The following COL4A4 variants were observed in gnomAD, a reference collection of about 807,000 sequenced individuals.
The protein encoded by COL4A4 is collagen type IV alpha 4 chain.
In COL4A4, 105 loss-of-function variants were observed where a neutral mutation model predicts 192.9. The ratio of observed to expected loss-of-function variants is 0.54; its 90% CI spans 0.46 to 0.64. COL4A4 has a LOEUF of 0.64. COL4A4 is among the 30% of genes least tolerant of loss of function. The pLI is 0.00. For missense variants in COL4A4, 1,967 were observed against 2,169.3 expected, an observed-to-expected ratio of 0.91 and a Z score of 1.85; for synonymous variants, 762 against 769.9, an observed-to-expected ratio of 0.99 and a Z score of 0.17.
At chr2:226,984,481 A>T in the COL4A4 span, among the ~76,000 whole-genome samples, 2 of 152,156 alleles carry the variant, frequency 1.3e-5, no homozygotes, top group Non-Finnish European at 2.9e-5. Context: ...TCATGTCCTC[A>T]TGTAAACCTA....
Position 227,007,176 on chromosome 2 carries a change from A to G in COL4A4, c.*149T>C, listed in dbSNP as rs1962319704. 1.8e-6 allele frequency: 2 copies of G among 1,118,984 alleles called. No homozygotes were observed. Among genetic ancestry groups the G allele is most frequent in the African/African-American group, 3.1e-5 (2 of 65,396 alleles). The allele number at this position is 1,118,984 out of a possible 1,614,324, so 69.3% of individuals were successfully genotyped here. A position where few individuals can be genotyped will look rare whatever the true frequency, so the allele number is the denominator to read the frequency against. On this transcript the variant is annotated 3_prime_UTR_variant, in exon 48 of 48. Coordinates refer to ENST00000396625, the MANE Select transcript of COL4A4 (RefSeq NM_000092.5). ...GCATTTGCTTAATGTGTAAGGAACCAGAGGACTCTGGGAATAACCACGACA... is the reference window on the plus strand; with the variant it reads ...GCATTTGCTTAATGTGTAAGGAACCGGAGGACTCTGGGAATAACCACGACA...
Position 227,008,246 on chromosome 2 carries a change from G to T in COL4A4, c.4581C>A (p.Ile1527=). The change falls in exon 47 of 48, where the codon ATC becomes ATA. Residue 1527 remains isoleucine (I), a synonymous_variant. Transcript: ENST00000396625. ...FSTLPFAYCN[I]HQVCHYAQRN... ...TCTGGGCATAGTGGCACACCTGGTG[G>T]ATGTTGCAGTAGGCAAAGGGCAGCG... 3 of 1,614,246 alleles carry T rather than the reference G, an allele frequency of 1.9e-6. No individual in the cohort carries two copies. The highest frequency in any genetic ancestry group is 2.5e-6 in the Non-Finnish European group (3 of 1,180,042).
At chr2:227,082,697 G>A (rs2150528920) in intron 22 of COL4A4, among the ~76,000 whole-genome samples, 1 of 152,310 alleles carries the variant, frequency 6.6e-6, no homozygotes, top group Admixed American at 6.5e-5. Context: ...GAGATTTAGG[G>A]ATAAGTTTGT....
chr2:227,056,265 CT>C, intron 29 of COL4A4, 150 bp from the exon 30 acceptor site: 1 of 708,512 alleles, frequency 1.4e-6, no homozygotes, highest in South Asian at 1.6e-5. Flanking sequence ...TTCCATCAAT[CT>C]AAGAATATAT....
chr2:227,117,367 A>G (rs1383777262), intron 7 of COL4A4, among the ~76,000 whole-genome samples: 1 of 152,252 alleles, frequency 6.6e-6, no homozygotes, highest in Non-Finnish European at 1.5e-5. Context: ...TGCATTCACC[A>G]GACTGCACTT....
chr2:227,065,668 A>T (rs1358661388), intron 25 of COL4A4, among the ~76,000 whole-genome samples: 8 of 151,712 alleles, frequency 5.3e-5, no homozygotes, highest in South Asian at 2.1e-4. Context: ...AGCTGAGGGT[A>T]CTGTTAGAAG....
the COL4A4 span, among the ~76,000 whole-genome samples, chr2:226,983,886 G>T: frequency 0.015 from 2,224 of 152,294 alleles, 42 homozygotes; most frequent in African/African-American, 0.051. Flanking sequence ...TATCAAAAAT[G>T]CTTCTTTATA....
intron 4 of COL4A4, among the ~76,000 whole-genome samples, chr2:227,137,719 G>T (rs1304555186): frequency 1.3e-5 from 2 of 152,146 alleles, no homozygotes; most frequent in African/African-American, 4.8e-5. Context: ...CCACTGAGGT[G>T]CCTTTATCAA....
At chr2:227,043,003 A>G in intron 36 of COL4A4, 74 bp downstream of exon 36, 1 of 1,099,328 alleles carries the variant, frequency 9.1e-7, no homozygotes, top group Middle Eastern at 2.9e-4. Context: ...AGGTCTAATT[A>G]AAGACTGGTG....
chr2:227,059,292 G>A (rs1976273856), intron 28 of COL4A4, 113 bp downstream of exon 28: 1 of 918,904 alleles, frequency 1.1e-6, no homozygotes, highest in Admixed American at 1.7e-5. Context: ...AAACACTTGG[G>A]TAAACTGTTT....
intron 20 of COL4A4, among the ~76,000 whole-genome samples, chr2:227,091,291 G>T (rs2059913211): frequency 6.7e-6 from 1 of 148,596 alleles, no homozygotes; most frequent in South Asian, 2.1e-4. Flanking sequence ...TATAGATATA[G>T]ATATAGATAT....
chr2:227,022,001 C>T (rs1447116960), intron 44 of COL4A4, 47 bp downstream of exon 44: 1 of 1,588,346 alleles, frequency 6.3e-7, no homozygotes, highest in East Asian at 2.2e-5. Flanking sequence ...AATTTCATTT[C>T]AGCAATATAT....
At chr2:227,115,462 C>T (rs1440711734) in intron 7 of COL4A4, among the ~76,000 whole-genome samples, 1 of 151,658 alleles carries the variant, frequency 6.6e-6, no homozygotes, top group African/African-American at 2.4e-5. Context: ...TTAGTAGAGA[C>T]GGGGTTTCAC....
chr2:227,104,829 G>T (rs187407662), intron 12 of COL4A4, among the ~76,000 whole-genome samples: 1 of 150,876 alleles, frequency 6.6e-6, no homozygotes, highest in South Asian at 2.1e-4. Context: ...TAGTAGAGAC[G>T]GGGGTTTCTC....
At chr2:227,067,108 A>C (rs1293509873) in intron 25 of COL4A4, among the ~76,000 whole-genome samples, 2 of 152,106 alleles carry the variant, frequency 1.3e-5, no homozygotes, top group African/African-American at 4.8e-5. Flanking sequence ...CAAAGATCAA[A>C]AGAGACAAAG....
chr2:227,023,167 A>G lies in COL4A4; in HGVS notation c.4091-994T>C, dbSNP rs183403236. Among the ~76,000 whole-genome samples, 1,389 of 152,144 alleles carry G rather than the reference A, an allele frequency of 9.1e-3. 11 individuals are homozygous for G. The highest frequency in any genetic ancestry group is 0.014 in the Non-Finnish European group (983 of 67,992). ...TCACTTTGAAAAACACAGGCTGGGC[A>G]CGGTGGCTCACACCTGTAATCCCAG... On this transcript the variant is annotated intron_variant, in intron 43 of 47. Coordinates refer to ENST00000396625, the MANE Select transcript of COL4A4 (RefSeq NM_000092.5).
At position 227,090,054 on chromosome 2, in the gene COL4A4, C is replaced by T. The variant is rs189914585; in HGVS notation, c.1370-97G>A. 14 of 900,980 alleles carry T rather than the reference C, an allele frequency of 1.6e-5. No homozygotes were observed. The East Asian group carries it at 2.0e-4, about 13-fold the overall frequency. The allele number at this position is 900,980 out of a possible 1,614,324, so 55.8% of individuals were successfully genotyped here. ...ACTTTTGCACTCACATCCTCCCCCACGTGCTTCCTTTCCCAACCCCATTCT... is the reference window on the plus strand; with the variant it reads ...ACTTTTGCACTCACATCCTCCCCCATGTGCTTCCTTTCCCAACCCCATTCT... On this transcript the variant is annotated intron_variant, in intron 20 of 47. Coordinates refer to ENST00000396625, the MANE Select transcript of COL4A4 (RefSeq NM_000092.5).
the COL4A4 span, among the ~76,000 whole-genome samples, chr2:226,990,907 G>T: frequency 6.6e-6 from 1 of 152,164 alleles, no homozygotes; most frequent in Admixed American, 6.5e-5. Flanking sequence ...CTTTGGAGCA[G>T]GGCCGTTTCA....
intron 19 of COL4A4, among the ~76,000 whole-genome samples, chr2:227,097,444 C>T (rs994466114): frequency 6.6e-6 from 1 of 152,022 alleles, no homozygotes; most frequent in Non-Finnish European, 1.5e-5. Context: ...AAATCAAATG[C>T]ATTTCTTACT....
Sources: gnomAD v4.1 joint callset for allele counts (sites outside exome capture counted in the v4.1 genomes callset) on GRCh38, gnomAD v4.1.1 for gene constraint, MANE v1.5 for transcripts, NCBI Gene and HGNC (gene_info 2026-07-23, HGNC 2026-07-21) for gene names.